The following MYO15B variants were observed in gnomAD, a reference collection of about 807,000 sequenced individuals.
MYO15B encodes myosin XVB, also known as myosin XVB pseudogene.
In MYO15B, 207 loss-of-function variants were observed where a neutral mutation model predicts 119.3. The ratio of observed to expected loss-of-function variants is 1.73; its 90% CI spans 1.55 to 1.95. The LOEUF (loss-of-function observed/expected upper bound fraction) is 1.95, where lower values mean the gene tolerates loss of function less well. Ranked by LOEUF, MYO15B falls within the 30% of genes most tolerant of loss-of-function variation. The pLI is 0.00. For missense variants in MYO15B, 2,264 were observed against 1,203.1 expected, an observed-to-expected ratio of 1.88 and a Z score of -13.04; for synonymous variants, 966 against 498.9, an observed-to-expected ratio of 1.94 and a Z score of -12.48.
chr17:75,592,870 G>T (rs1410025325), intron 9 of MYO15B, 30 bp downstream of exon 9: 1 of 694,990 alleles, frequency 1.4e-6, no homozygotes, highest in East Asian at 2.7e-5. Flanking sequence ...GGGGCCATCT[G>T]GGGTGCTGGG....
rs1460086231 is a variant in MYO15B, at chr17:75,615,352, G to A, written c.5740+14G>A. 2 of 700,738 alleles carry A rather than the reference G, an allele frequency of 2.9e-6. No homozygotes were observed. The highest frequency in any genetic ancestry group is 5.2e-6 in the Non-Finnish European group (2 of 383,676). The allele number at this position is 700,738 out of a possible 1,614,324, so 43.4% of individuals were successfully genotyped here. A position where few individuals can be genotyped will look rare whatever the true frequency, so the allele number is the denominator to read the frequency against. ...CTGCCATGCCAGGTAAGTCTGGGCT[G>A]GGGGCACCAGAGTCCCTTCTCAGGA... On this transcript the variant is annotated intron_variant, in intron 34 of 63. Coordinates refer to ENST00000645453, the Ensembl canonical transcript of MYO15B.
intron 20 of MYO15B, 114 bp downstream of exon 20, chr17:75,605,735 C>T: frequency 1.5e-6 from 1 of 666,838 alleles, no homozygotes; most frequent in Non-Finnish European, 2.8e-6. Context: ...TGGTGGGAGA[C>T]AGAAGGGCTG....
At chr17:75,600,063 G>T (rs1166480417) in intron 14 of MYO15B, among the ~76,000 whole-genome samples, 2 of 130,986 alleles carry the variant, frequency 1.5e-5, no homozygotes, top group Non-Finnish European at 3.2e-5. Flanking sequence ...TTGCTCTGTC[G>T]CCCAGGCTGG....
Position 75,603,091 on chromosome 17 carries a change from CA to C in MYO15B, c.3891+16del. ...AACCCTGGAAAGGTGAGCTCCCCAG[CA>C]ACTGGCCTCAGGGCCCTCCCCCTCC... On this transcript the variant is annotated intron_variant, in intron 18 of 63. Transcript: ENST00000645453. 1.4e-6 allele frequency: 1 copy of C among 703,316 alleles called. No homozygotes were observed. Among genetic ancestry groups the C allele is most frequent in the Non-Finnish European group, 2.6e-6 (1 of 385,058 alleles). The allele number at this position is 703,316 out of a possible 1,614,324, so 43.6% of individuals were successfully genotyped here. A position where few individuals can be genotyped will look rare whatever the true frequency, so the allele number is the denominator to read the frequency against.
Position 75,614,690 on chromosome 17 carries a change from C to T in MYO15B, c.5482+7C>T, listed in dbSNP as rs1239492461. ...CCCAGCAGGGACCACACAGGTAAGG[C>T]TGGAGTGGGCACATGGAGGTTGGCA... On this transcript the variant is annotated splice_region_variant and intron_variant, in intron 31 of 63. Transcript: ENST00000645453. 1 of 702,304 alleles carries T rather than the reference C, an allele frequency of 1.4e-6. No homozygotes were observed. Among genetic ancestry groups the T allele is most frequent in the Admixed American group, 2.0e-5 (1 of 49,978 alleles). 43.5% of individuals were successfully genotyped at this position (702,304 alleles called of 1,614,324 possible). A position where few individuals can be genotyped will look rare whatever the true frequency, so the allele number is the denominator to read the frequency against.
intron 14 of MYO15B, 36 bp downstream of exon 14, chr17:75,596,935 G>A (rs1322078009): frequency 6.0e-6 from 4 of 667,698 alleles, no homozygotes; most frequent in African/African-American, 5.4e-5. Context: ...ACCCAGTGTC[G>A]GGAAGGAGTG....
In MYO15B at chr17:75,610,150, C is replaced by G. The variant is rs750278431; in HGVS notation, c.4293-16C>G. 5 of 695,212 alleles carry G rather than the reference C, an allele frequency of 7.2e-6. No homozygotes were observed. The South Asian group carries it at 7.5e-5, about 10-fold the overall frequency. The allele number at this position is 695,212 out of a possible 1,614,324, so 43.1% of individuals were successfully genotyped here. ...TTGGACTCTTCATTTCGCCCCCGCT[C>G]TTTCCCGGCCTCCAGGAAGCGGTAC... On this transcript the variant is annotated splice_polypyrimidine_tract_variant and intron_variant, in intron 21 of 63. Transcript: ENST00000645453.
intron 9 of MYO15B, among the ~76,000 whole-genome samples, chr17:75,594,072 A>C (rs1287036955): frequency 4.9e-5 from 7 of 143,802 alleles, no homozygotes; most frequent in African/African-American, 1.8e-4. Context: ...CCTGGGTAAC[A>C]GAGTGAGACC....
At chr17:75,620,072 T>C (rs2058615230) in intron 47 of MYO15B, 52 bp downstream of exon 47, 2 of 677,674 alleles carry the variant, frequency 3.0e-6, no homozygotes, top group South Asian at 1.6e-5. Context: ...TCACCGATGC[T>C]GCATCTCCCT....
At chr17:75,622,047 G>A in exon 53 of MYO15B, 1 of 703,062 alleles carries the variant, frequency 1.4e-6, no homozygotes, top group Non-Finnish European at 2.6e-6. Context: ...CCCGGGGCAA[G>A]GATGAGATGG....
intron 23 of MYO15B, 52 bp downstream of exon 23, chr17:75,611,011 G>T: frequency 1.4e-6 from 1 of 702,776 alleles, no homozygotes; most frequent in South Asian, 1.5e-5. Flanking sequence ...AACCTGCTGA[G>T]ACTGGGACAG....
chr17:75,621,464 G>GC (rs1293182358), intron 51 of MYO15B, 37 bp from the exon 52 acceptor site: 2 of 699,328 alleles, frequency 2.9e-6, no homozygotes, highest in Admixed American at 2.0e-5. Context: ...GACCCCCACG[G>GC]CCCCCCAGAC....
intron 22 of MYO15B, chr17:75,610,614 C>T: frequency 3.6e-6 from 2 of 550,626 alleles, no homozygotes; most frequent in Non-Finnish European, 6.5e-6. Flanking sequence ...CCACGTGCTA[C>T]CCCCTCTCTG....
intron 62 of MYO15B, 37 bp from the exon 63 acceptor site, chr17:75,626,051 C>A (rs1044906603): frequency 2.9e-6 from 2 of 699,176 alleles, no homozygotes; most frequent in Non-Finnish European, 5.2e-6. Flanking sequence ...GACCCCTCCC[C>A]GGAGAGGAGA....
intron 28 of MYO15B, 111 bp from the exon 29 acceptor site, chr17:75,613,593 TC>T (rs2058166290): frequency 1.5e-6 from 1 of 645,780 alleles, no homozygotes; most frequent in East Asian, 2.7e-5. Context: ...GTGACCCTGA[TC>T]CCCCTCCCCT....
chr17:75,594,555 G>A (rs915100290), exon 10 of MYO15B: 1 of 649,066 alleles, frequency 1.5e-6, no homozygotes, highest in Non-Finnish European at 2.8e-6. Flanking sequence ...TACCACCAGA[G>A]TGCCTGGAGG....
rs1330575727 is a variant in MYO15B at position 75,596,564 on chromosome 17, ATT to A, written c.3393+10_3393+11del. 1 of 702,966 alleles carries A rather than the reference ATT, an allele frequency of 1.4e-6. No individual in the cohort carries two copies. The highest frequency in any genetic ancestry group is 1.5e-5 in the South Asian group (1 of 67,602). The allele number at this position is 702,966 out of a possible 1,614,324, so 43.5% of individuals were successfully genotyped here. A position where few individuals can be genotyped will look rare whatever the true frequency, so the allele number is the denominator to read the frequency against. Reference sequence around the variant, plus strand: ...TGCTGGCCCAGGAGGAGGTAAGAGGATTGGGCGTGGACGTGGCAGGGGCCGCT... The same window carrying A: ...TGCTGGCCCAGGAGGAGGTAAGAGGAGGGCGTGGACGTGGCAGGGGCCGCT... On this transcript the variant is annotated intron_variant, in intron 13 of 63. Coordinates refer to ENST00000645453, the Ensembl canonical transcript of MYO15B.
chr17:75,621,251 C>A, intron 50 of MYO15B, 75 bp downstream of exon 50: 1 of 659,452 alleles, frequency 1.5e-6, no homozygotes, highest in South Asian at 1.7e-5. Flanking sequence ...CTCAGAGCCA[C>A]TGGGCTGTGC....
chr17:75,594,149 G>A lies in MYO15B; in HGVS notation c.2992-326G>A, dbSNP rs191266469. Among the ~76,000 whole-genome samples the A allele has an allele frequency of 5.4e-5, 8 of 148,316 alleles. No individual in the cohort carries two copies. In the East Asian group the frequency reaches 1.4e-3, roughly 25 times the overall value. On this transcript the variant is annotated intron_variant, in intron 9 of 63. Coordinates refer to ENST00000645453, the Ensembl canonical transcript of MYO15B. ...AGCAGCTGTTATGTACCTGGGTACT[G>A]TGTAAATCACTTTGCATTTGTTTTC...
Sources: gnomAD v4.1 joint callset for allele counts (sites outside exome capture counted in the v4.1 genomes callset) on GRCh38, gnomAD v4.1.1 for gene constraint, MANE v1.5 for transcripts, NCBI Gene and HGNC (gene_info 2026-07-23, HGNC 2026-07-21) for gene names.